NAA38: variants seen among roughly 807,000 people sequenced by gnomAD.
The protein encoded by NAA38 is N-alpha-acetyltransferase 38, NatC auxiliary subunit.
NAA38 carries 15 observed loss-of-function variants against 12.6 expected under a neutral mutation model. That is an observed-to-expected ratio of 1.19 (90% confidence interval 0.79 to 1.83). The LOEUF is 1.83. Ranked by LOEUF, NAA38 falls within the 40% of genes most tolerant of loss-of-function variation. NAA38 has a pLI of 0.00. For synonymous variants in NAA38, 88 were observed against 69.9 expected, an observed-to-expected ratio of 1.26 and a Z score of -1.29; for missense variants, 183 against 171.7, an observed-to-expected ratio of 1.07 and a Z score of -0.37.
upstream of NAA38, chr17:7,885,301 C>CGCCGCCG (rs1967645649): frequency 7.3e-6 from 1 of 137,462 alleles, no homozygotes; most frequent in Non-Finnish European, 1.2e-5. Context: ...CCCGCCGCAC[C>CGCCGCCG]CCTCCCCCGC....
At chr17:7,880,472 A>C (rs747686598) in intron 2 of NAA38, among the ~76,000 whole-genome samples, 17 of 152,214 alleles carry the variant, frequency 1.1e-4, no homozygotes, top group Non-Finnish European at 2.2e-4. Flanking sequence ...TCTCCTTCAA[A>C]GAGTTATAAA....
intron 2 of NAA38, among the ~76,000 whole-genome samples, chr17:7,870,836 G>A (rs1194130998): frequency 3.3e-5 from 5 of 150,930 alleles, no homozygotes; most frequent in East Asian, 1.9e-4. Flanking sequence ...TCGGTGAGCC[G>A]AGATCGTGTC....
upstream of NAA38, chr17:7,862,188 C>G (rs1332413550): frequency 6.6e-6 from 1 of 152,158 alleles, no homozygotes; most frequent in Non-Finnish European, 1.5e-5. Flanking sequence ...ATTGTAAGCT[C>G]ACGAGGGCAG....
At chr17:7,867,989 T>A (rs1245430275) in intron 2 of NAA38, among the ~76,000 whole-genome samples, 1 of 152,142 alleles carries the variant, frequency 6.6e-6, no homozygotes, top group East Asian at 1.9e-4. Flanking sequence ...AAGTGATGAA[T>A]TTTTAGTTAG....
intron 2 of NAA38, among the ~76,000 whole-genome samples, chr17:7,881,132 G>A (rs1204533551): frequency 6.6e-6 from 1 of 152,190 alleles, no homozygotes; most frequent in Non-Finnish European, 1.5e-5. Context: ...TCCAGGAAAT[G>A]TGAAACAGTG....
chr17:7,885,005 C>A (rs935201217), intron 1 of NAA38: 5 of 1,240,710 alleles, frequency 4.0e-6, no homozygotes, highest in South Asian at 3.6e-5. Flanking sequence ...CCGCCACAGC[C>A]CCCCCGGCTG....
chr17:7,877,151 C>T (rs1219266907), intron 2 of NAA38: 1 of 299,508 alleles, frequency 3.3e-6, no homozygotes, highest in Non-Finnish European at 6.7e-6. Context: ...AATGAAGCTA[C>T]TTAATTTTGT....
At chr17:7,866,497 C>T (rs1276601832) in exon 3 of NAA38, 1 of 1,231,366 alleles carries the variant, frequency 8.1e-7, no homozygotes, top group African/African-American at 1.6e-5. Context: ...TTACCATGGT[C>T]CAGAAGGTAA....
rs753503532 is a variant in NAA38 at position 7,857,345 on chromosome 17, G to A, written c.81+38C>T. On this transcript the variant is annotated intron_variant, in intron 1 of 2. Coordinates refer to ENST00000575771, the MANE Select transcript of NAA38 (RefSeq NM_001320925.4). ...CCCCACCCCCTCCATCTTGCTGCTT[G>A]ACTGCCCCTCAGTCCCAGAACCAGA... 10 of 1,612,938 alleles carry A rather than the reference G, an allele frequency of 6.2e-6. No homozygotes were observed. In the African/African-American group the frequency reaches 1.2e-4, roughly 19 times the overall value.
At chr17:7,863,639 CTG>C (rs949199744) in intron 3 of NAA38, 2 of 152,138 alleles carry the variant, frequency 1.3e-5, no homozygotes, top group African/African-American at 2.4e-5. Context: ...CATCCTGAAA[CTG>C]TTTCTAAATA....
chr17:7,857,927 T>C, upstream of NAA38: 1 of 1,426,940 alleles, frequency 7.0e-7, no homozygotes, highest in Non-Finnish European at 9.1e-7. Context: ...GGACTCATAC[T>C]ACGTTTCCCG....
At chr17:7,861,677 G>A (rs1455539590), upstream of NAA38, 4 of 152,080 alleles carry the variant, frequency 2.6e-5, no homozygotes, top group Non-Finnish European at 4.4e-5. Context: ...AAATATCTCT[G>A]GAACCTATCT....
chr17:7,857,133 G>A lies in NAA38; in HGVS notation c.147C>T (p.Leu49=), dbSNP rs754226941. Residue 49 remains leucine (L), a synonymous_variant, in exon 2 of 3, where the codon CTC becomes CTT. Coordinates refer to ENST00000575771, the MANE Select transcript of NAA38 (RefSeq NM_001320925.4). The stretch of plus-strand genomic sequence containing the variant: ...TCATGCGAATGCGCATAGTCTTGTT[G>A]AGCAGCGCCTCTAGCTGCTGTCGGG... ...ERARQQLEAL[L]NKTMRIRMTD... is the part of the protein sequence containing the mutation. 2 of 1,613,284 alleles carry A rather than the reference G, an allele frequency of 1.2e-6. No homozygotes were observed. Among genetic ancestry groups the A allele is most frequent in the Admixed American group, 1.7e-5 (1 of 60,038 alleles).
intron 2 of NAA38, among the ~76,000 whole-genome samples, chr17:7,882,976 T>C (rs920999492): frequency 6.6e-6 from 1 of 152,040 alleles, no homozygotes; most frequent in Non-Finnish European, 1.5e-5. Context: ...ATCAAAGGAA[T>C]GGGAGGAAGC....
In NAA38 at chr17:7,884,677, G is replaced by A. The variant is rs1235146199; in HGVS notation, c.-167+488C>T. ...GGGGGGCTGGGGGAGGCGGTGAGGAGGAGGAGGACGCCGCCGCCGAGGAGG... is the reference window on the plus strand; with the variant it reads ...GGGGGGCTGGGGGAGGCGGTGAGGAAGAGGAGGACGCCGCCGCCGAGGAGG... On this transcript the variant is annotated intron_variant, in intron 1 of 4. Coordinates refer to the NAA38 transcript ENST00000576861. The A allele has an allele frequency of 4.6e-3, 1,832 of 395,960 alleles. 18 individuals are homozygous for A. The highest frequency in any genetic ancestry group is 5.2e-3 in the Non-Finnish European group (1,158 of 223,734). The allele number at this position is 395,960 out of a possible 1,614,324, so 24.5% of individuals were successfully genotyped here.
intron 2 of NAA38, among the ~76,000 whole-genome samples, chr17:7,879,433 C>T (rs1295243644): frequency 6.6e-6 from 1 of 151,846 alleles, no homozygotes; most frequent in African/African-American, 2.4e-5. Flanking sequence ...ACATATGTGA[C>T]ATTTTGTGTG....
chr17:7,858,736 G>A (rs1258472471), upstream of NAA38: 5 of 1,605,722 alleles, frequency 3.1e-6, no homozygotes, highest in Non-Finnish European at 4.3e-6. Flanking sequence ...TGGTGGCAGG[G>A]GTCGTATTAT....
chr17:7,857,117 T>C lies in NAA38; in HGVS notation c.163A>G (p.Ile55Val). The C allele has an allele frequency of 6.2e-7, 1 of 1,613,476 alleles. No individual in the cohort carries two copies. The highest frequency in any genetic ancestry group is 8.5e-7 in the Non-Finnish European group (1 of 1,180,042). The change falls in exon 2 of 3, where the codon ATT becomes GTT. Residue 55 changes from isoleucine (I) to valine (V), a missense_variant. Physicochemically the swap from Ile to Val is conservative, Grantham distance 29. Transcript: ENST00000575771. ...AGTGTCCGTCCATCTGTCATGCGAA[T>C]GCGCATAGTCTTGTTGAGCAGCGCC... ...LEALLNKTMR[I>V]RMTDGRTLVG...
In NAA38 at chr17:7,857,285, C is replaced by T. The variant is rs745795947; in HGVS notation, c.82-87G>A. 1.9e-6 allele frequency: 3 copies of T among 1,610,932 alleles called. No individual in the cohort carries two copies. The South Asian group carries it at 3.3e-5, about 18-fold the overall frequency. On this transcript the variant is annotated intron_variant, in intron 1 of 2. Transcript: ENST00000575771. ...AGCTCCCGGCAGCCCGCGGGGCACTCACACAAAGCCCAGAGGCTGCCGGGA... is the reference window on the plus strand; with the variant it reads ...AGCTCCCGGCAGCCCGCGGGGCACTTACACAAAGCCCAGAGGCTGCCGGGA...
Sources: gnomAD v4.1 joint callset for allele counts (sites outside exome capture counted in the v4.1 genomes callset) on GRCh38, gnomAD v4.1.1 for gene constraint, MANE v1.5 for transcripts, NCBI Gene and HGNC (gene_info 2026-07-23, HGNC 2026-07-21) for gene names.